ANKRD18A: variants seen among roughly 807,000 people sequenced by gnomAD.
The protein encoded by ANKRD18A is ankyrin repeat domain-containing protein 18A.
In ANKRD18A, 72 loss-of-function variants were observed where a neutral mutation model predicts 110.6. The ratio of observed to expected loss-of-function variants is 0.65; its 90% CI spans 0.54 to 0.79. ANKRD18A has a LOEUF of 0.79. ANKRD18A is among the 30% of genes least tolerant of loss of function. The pLI is 0.00. For missense variants in ANKRD18A, 934 were observed against 1,163.3 expected (o/e 0.80, Z 2.87); for synonymous variants, 305 against 410.3 (o/e 0.74, Z 3.10).
chr9:38,581,141 G>T (rs1026009668), intron 12 of ANKRD18A, among the ~76,000 whole-genome samples: 7 of 152,092 alleles, frequency 4.6e-5, no homozygotes, highest in African/African-American at 1.7e-4. Flanking sequence ...CAAAACTCTG[G>T]GTAATTGTTA....
In ANKRD18A at chr9:38,575,739, T is replaced by A. The variant is rs774832210; in HGVS notation, c.2742-41A>T. The A allele has an allele frequency of 2.0e-5, 30 of 1,506,434 alleles. No homozygotes were observed. The Admixed American group carries it at 2.5e-4, about 13-fold the overall frequency. The allele number at this position is 1,506,434 out of a possible 1,614,324, so 93.3% of individuals were successfully genotyped here. ...AGACAAATGCTTAGTATTTCATTTT[T>A]CCTTGAATGATTCTTAATGACTTGC... On this transcript the variant is annotated intron_variant, in intron 14 of 15. Transcript: ENST00000399703.
chr9:38,605,140 A>G (rs1170103662), intron 6 of ANKRD18A, among the ~76,000 whole-genome samples: 2 of 152,258 alleles, frequency 1.3e-5, no homozygotes, highest in African/African-American at 4.8e-5. Flanking sequence ...TTGGACACAC[A>G]GTAAGCACTA....
chr9:38,587,482 GT>G (rs1243248451), intron 11 of ANKRD18A, among the ~76,000 whole-genome samples: 1 of 152,042 alleles, frequency 6.6e-6, no homozygotes, highest in African/African-American at 2.4e-5. Context: ...TAAAACAGAA[GT>G]TTAATAAGAT....
rs1471142926 is a variant in ANKRD18A, at chr9:38,571,624, A to G, written c.*421T>C. On this transcript the variant is annotated 3_prime_UTR_variant, in exon 16 of 16. Transcript: ENST00000399703. ...AGATACTCTTTAAGTCTCCTACTAC[A>G]TATGGTAATAAAAACTGTAAAATGC... The G allele has an allele frequency of 5.9e-6, 6 of 1,014,002 alleles. No individual in the cohort carries two copies. The highest frequency in any genetic ancestry group is 5.9e-6 in the Non-Finnish European group (5 of 849,704). The allele number at this position is 1,014,002 out of a possible 1,614,324, so 62.8% of individuals were successfully genotyped here.
chr9:38,605,380 C>T lies in ANKRD18A; in HGVS notation c.808+2046G>A, dbSNP rs1312065163. On this transcript the variant is annotated intron_variant, in intron 6 of 15. Coordinates refer to ENST00000399703, the MANE Select transcript of ANKRD18A (RefSeq NM_147195.4). Reference sequence around the variant, plus strand: ...TATTCTATTATGAGCACCTTAAAGACAAAAACTATGTCAATTCCATCTTTG... The same window carrying T: ...TATTCTATTATGAGCACCTTAAAGATAAAAACTATGTCAATTCCATCTTTG... 3.3e-5 allele frequency among the ~76,000 whole-genome samples: 5 copies of T among 152,126 alleles called. No individual in the cohort carries two copies. In the South Asian group the frequency reaches 1.0e-3, roughly 32 times the overall value.
intron 3 of ANKRD18A, among the ~76,000 whole-genome samples, chr9:38,612,066 T>C (rs1465888003): frequency 6.6e-6 from 1 of 152,162 alleles, no homozygotes; most frequent in Admixed American, 6.5e-5. Flanking sequence ...TGTCAGGCAC[T>C]CCTGATCCAA....
downstream of ANKRD18A, among the ~76,000 whole-genome samples, chr9:38,570,222 C>T (rs1002689116): frequency 8.5e-5 from 13 of 152,114 alleles, no homozygotes; most frequent in Non-Finnish European, 1.6e-4. Context: ...ACCAATTTCC[C>T]ACTGACCTGG....
In ANKRD18A at chr9:38,572,029, A is replaced by G. The variant is rs1304033882; in HGVS notation, c.*16T>C. 6.3e-7 allele frequency: 1 copy of G among 1,592,078 alleles called. No homozygotes were observed. The highest frequency in any genetic ancestry group is 8.5e-7 in the Non-Finnish European group (1 of 1,173,486). ...ACCAGTGGATTCTACAAAAGAAAGT[A>G]GACGGGAGCAAGTGCTCAACATAGC... On this transcript the variant is annotated 3_prime_UTR_variant, in exon 16 of 16. Transcript: ENST00000399703.
chr9:38,618,040 T>C (rs1825929671), intron 1 of ANKRD18A, among the ~76,000 whole-genome samples: 1 of 152,144 alleles, frequency 6.6e-6, no homozygotes, highest in African/African-American at 2.4e-5. Flanking sequence ...AGTATATACA[T>C]AAAATCTGCA....
At position 38,596,329 on chromosome 9, in the gene ANKRD18A, G is replaced by C; in HGVS notation, c.1011C>G (p.Leu337=). 1.3e-6 allele frequency: 2 copies of C among 1,508,612 alleles called. No homozygotes were observed. Among genetic ancestry groups the C allele is most frequent in the Non-Finnish European group, 1.8e-6 (2 of 1,130,470 alleles). 93.5% of individuals were successfully genotyped at this position (1,508,612 alleles called of 1,614,324 possible). A position where few individuals can be genotyped will look rare whatever the true frequency, so the allele number is the denominator to read the frequency against. ...NFMLKKDIAM[L]KEELYAIKND... Reference sequence around the variant, plus strand: ...TTTTTATTGCATATAATTCCTCTTTGAGCATGGCAATGTCTTTCTTCAACA... The same window carrying C: ...TTTTTATTGCATATAATTCCTCTTTCAGCATGGCAATGTCTTTCTTCAACA... The change falls in exon 9 of 16, where the codon CTC becomes CTG. Residue 337 remains leucine, a synonymous_variant. Coordinates refer to ENST00000399703, the MANE Select transcript of ANKRD18A (RefSeq NM_147195.4).
rs1021844822 is a variant in ANKRD18A at position 38,615,736 on chromosome 9, A to G, written c.353T>C (p.Ile118Thr). The change falls in exon 3 of 16, where the codon ATC (isoleucine) becomes ACC (threonine). Residue 118 changes from isoleucine to threonine, a missense_variant. Coordinates refer to ENST00000399703, the MANE Select transcript of ANKRD18A (RefSeq NM_147195.4). Reference protein sequence around the residue: ...AVHSQEEACAIVLLECGANPN... With the variant: ...AVHSQEEACATVLLECGANPN... The stretch of plus-strand genomic sequence containing the variant: ...ATTGGCGCCACATTCCAGGAGAACG[A>G]TGGCACAAGCCTCTTCCTGGCTGTG... The G allele has an allele frequency of 6.2e-7, 1 of 1,612,856 alleles. No individual in the cohort carries two copies. Among genetic ancestry groups the G allele is most frequent in the Non-Finnish European group, 8.5e-7 (1 of 1,179,894 alleles).
intron 9 of ANKRD18A, 124 bp from the exon 10 acceptor site, chr9:38,594,033 C>G (rs554245152): frequency 9.9e-7 from 1 of 1,011,494 alleles, no homozygotes; most frequent in African/African-American, 1.7e-5. Flanking sequence ...TTCTTTTCCT[C>G]ATATGTACAC....
chr9:38,586,128 C>T (rs1824370201), intron 12 of ANKRD18A, 55 bp downstream of exon 12: 1 of 1,475,644 alleles, frequency 6.8e-7, no homozygotes, highest in Non-Finnish European at 9.1e-7. Flanking sequence ...CAAACCTGTA[C>T]CTCTTACACA....
chr9:38,611,894 G>A (rs1825636472), intron 3 of ANKRD18A, among the ~76,000 whole-genome samples: 1 of 152,144 alleles, frequency 6.6e-6, no homozygotes, highest in Non-Finnish European at 1.5e-5. Context: ...CTTGAACTTT[G>A]CCTAATCTCA....
intron 10 of ANKRD18A, among the ~76,000 whole-genome samples, chr9:38,589,148 C>A (rs922657292): frequency 6.6e-6 from 1 of 152,064 alleles, no homozygotes; most frequent in Non-Finnish European, 1.5e-5. Context: ...GAGTATTCAC[C>A]GGTAGGTTTC....
chr9:38,578,197 A>C (rs1823993419), intron 12 of ANKRD18A, 49 bp from the exon 13 acceptor site: 1 of 1,486,412 alleles, frequency 6.7e-7, no homozygotes, highest in Admixed American at 2.7e-5. Context: ...GCTGAGAATA[A>C]TCCAATACAA....
At chr9:38,610,188 T>A in intron 5 of ANKRD18A, 85 bp downstream of exon 5, 1 of 1,414,080 alleles carries the variant, frequency 7.1e-7, no homozygotes. Context: ...AACTATGAAC[T>A]GTCACCTAAT....
chr9:38,616,523 C>T (rs1006955584), intron 1 of ANKRD18A, among the ~76,000 whole-genome samples: 33 of 152,158 alleles, frequency 2.2e-4, no homozygotes, highest in African/African-American at 7.0e-4. Flanking sequence ...TGTATTTATA[C>T]CTCACTGCAG....
intron 3 of ANKRD18A, among the ~76,000 whole-genome samples, chr9:38,612,610 C>T (rs576232416): frequency 9.2e-5 from 14 of 151,592 alleles, no homozygotes; most frequent in Middle Eastern, 3.4e-3. Context: ...CTCCACCTCC[C>T]GAGTTCATGC....
Sources: gnomAD v4.1 joint callset for allele counts (sites outside exome capture counted in the v4.1 genomes callset) on GRCh38, gnomAD v4.1.1 for gene constraint, MANE v1.5 for transcripts, NCBI Gene and HGNC (gene_info 2026-07-23, HGNC 2026-07-21) for gene names.